EVC2: variants seen among roughly 807,000 people sequenced by gnomAD.
EVC2 encodes limbin.
EVC2 carries 148 observed loss-of-function variants against 149.3 expected under a neutral mutation model. The ratio of observed to expected loss-of-function variants is 0.99; its 90% CI spans 0.87 to 1.14. EVC2 has a LOEUF of 1.14. Ranked by LOEUF, EVC2 falls within the 50% of genes most tolerant of loss-of-function variation. The pLI is 0.00. For synonymous variants in EVC2, 776 were observed against 649.9 expected, an observed-to-expected ratio of 1.19 and a Z score of -2.95; for missense variants, 1,854 against 1,627.3, an observed-to-expected ratio of 1.14 and a Z score of -2.40.
Position 5,596,138 on chromosome 4 carries a change from C to T in EVC2, c.2830-11288G>A, listed in dbSNP as rs1423949901. ...AACAATGGGAGACTTTAACACCCCA[C>T]TGTCAACATTAGACATATCAACAAG... On this transcript the variant is annotated intron_variant, in intron 16 of 21. Coordinates refer to ENST00000344408, the MANE Select transcript of EVC2 (RefSeq NM_147127.5). Among the ~76,000 whole-genome samples, 11 of 152,318 alleles carry T rather than the reference C, an allele frequency of 7.2e-5. No individual in the cohort carries two copies. In the East Asian group the frequency reaches 7.7e-4, roughly 11 times the overall value.
chr4:5,586,698 C>T (rs1712310778), intron 16 of EVC2, among the ~76,000 whole-genome samples: 2 of 152,296 alleles, frequency 1.3e-5, no homozygotes, highest in South Asian at 4.2e-4. Context: ...ATAACTCTTT[C>T]AACCAACTGC....
intron 16 of EVC2, among the ~76,000 whole-genome samples, chr4:5,592,667 A>T (rs776893066): frequency 6.6e-6 from 1 of 152,244 alleles, no homozygotes; most frequent in African/African-American, 2.4e-5. Flanking sequence ...GCACATGTGC[A>T]TTAAGAGGCA....
In EVC2 at chr4:5,633,516, G is replaced by T. The variant is rs1345963091; in HGVS notation, c.1471-1484C>A. 1.3e-5 allele frequency among the ~76,000 whole-genome samples: 2 copies of T among 152,210 alleles called. No homozygotes were observed. The highest frequency in any genetic ancestry group is 4.8e-5 in the African/African-American group (2 of 41,456). ...AGCTAGGGGAGGAAGCGTGTTGAAA[G>T]CAAGTGTTCAGGCTCCAAGCTCTGA... On this transcript the variant is annotated intron_variant, in intron 10 of 21. Coordinates refer to ENST00000344408, the MANE Select transcript of EVC2 (RefSeq NM_147127.5). This position sits in a 1 kb window ranked among gnomAD's most constrained non-coding sequence, Gnocchi z 4.4.
chr4:5,631,569 G>C lies in EVC2; in HGVS notation c.1710+224C>G, dbSNP rs112417127. 0.023 allele frequency among the ~76,000 whole-genome samples: 2,809 copies of C among 123,924 alleles called. 43 individuals are homozygous for C. Among genetic ancestry groups the C allele is most frequent in the Non-Finnish European group, 0.03 (1,996 of 66,560 alleles). 81.3% of individuals were successfully genotyped at this position (123,924 alleles called of 152,430 possible). On this transcript the variant is annotated intron_variant, in intron 11 of 21. Transcript: ENST00000344408. ...TTGCTCAAGTTCACGCAGTAGACTG[G>C]GGGGGGGAACTGAAATTCCAATCCA...
At chr4:5,646,031 G>A (rs1322297172) in intron 9 of EVC2, among the ~76,000 whole-genome samples, 1 of 152,170 alleles carries the variant, frequency 6.6e-6, no homozygotes, top group African/African-American at 2.4e-5. Flanking sequence ...CCGGGTTCAA[G>A]TGATTCTCCT....
intron 21 of EVC2, among the ~76,000 whole-genome samples, 193 bp from the exon 22 acceptor site, chr4:5,563,308 T>C (rs546201762): frequency 9.2e-5 from 14 of 152,206 alleles, no homozygotes; most frequent in Non-Finnish European, 1.8e-4. Flanking sequence ...TGGTGTGCTG[T>C]AGTCAACTCT....
At position 5,686,261 on chromosome 4, in the gene EVC2, T is replaced by C. The variant is rs1720706715; in HGVS notation, c.707-782A>G. On this transcript the variant is annotated intron_variant, in intron 5 of 21. Coordinates refer to ENST00000344408, the MANE Select transcript of EVC2 (RefSeq NM_147127.5). The surrounding 1 kb of genome is among the most constrained non-coding windows in gnomAD (Gnocchi z 5.4). The stretch of plus-strand genomic sequence containing the variant: ...ATTTCTGAGACAGGCTCTCTCTATG[T>C]TGCCCAGACTAGTCTCGAACTCCCA... 6.6e-6 allele frequency among the ~76,000 whole-genome samples: 1 copy of C among 152,138 alleles called. No homozygotes were observed. The highest frequency in any genetic ancestry group is 2.4e-5 in the African/African-American group (1 of 41,436).
intron 21 of EVC2, among the ~76,000 whole-genome samples, chr4:5,543,685 G>T (rs557474185): frequency 1.3e-5 from 2 of 152,150 alleles, no homozygotes; most frequent in African/African-American, 4.8e-5. Flanking sequence ...GAACCATAGG[G>T]GTGGGGGATA....
At chr4:5,592,882 C>G (rs924045221) in intron 16 of EVC2, among the ~76,000 whole-genome samples, 1 of 152,056 alleles carries the variant, frequency 6.6e-6, no homozygotes, top group Non-Finnish European at 1.5e-5. Flanking sequence ...TGGCTGTGTC[C>G]CCACCCAAAT....
chr4:5,627,616 A>T (rs1174803865), intron 12 of EVC2, among the ~76,000 whole-genome samples: 1 of 152,188 alleles, frequency 6.6e-6, no homozygotes, highest in Non-Finnish European at 1.5e-5. Context: ...TTTGTAACCT[A>T]AAAGAATAAA....
intron 1 of EVC2, among the ~76,000 whole-genome samples, chr4:5,698,029 G>A (rs112709140): frequency 2.0e-5 from 3 of 152,114 alleles, no homozygotes; most frequent in Non-Finnish European, 4.4e-5. Flanking sequence ...GGGATTACAC[G>A]TGTGAGCCAC....
Position 5,576,225 on chromosome 4 carries a change from G to C in EVC2, c.3272+15C>G, listed in dbSNP as rs1722915723. ...GGGACTAATATCTTTGAGTGCTACGGGGCACACGGCATACCACTGCTGATG... is the reference window on the plus strand; with the variant it reads ...GGGACTAATATCTTTGAGTGCTACGCGGCACACGGCATACCACTGCTGATG... On this transcript the variant is annotated intron_variant, in intron 18 of 21. Transcript: ENST00000344408. This position sits in a 1 kb window ranked among gnomAD's most constrained non-coding sequence, Gnocchi z 4.5. 1 of 1,614,118 alleles carries C rather than the reference G, an allele frequency of 6.2e-7. No homozygotes were observed.
chr4:5,550,156 G>T (rs1367556307), intron 21 of EVC2, among the ~76,000 whole-genome samples: 1 of 152,184 alleles, frequency 6.6e-6, no homozygotes, highest in Non-Finnish European at 1.5e-5. Flanking sequence ...GTGGGGTGCT[G>T]CTGAAAAGAT....
At chr4:5,543,487 G>A (rs1166036184) in intron 21 of EVC2, among the ~76,000 whole-genome samples, 1 of 152,184 alleles carries the variant, frequency 6.6e-6, no homozygotes, top group Non-Finnish European at 1.5e-5. Flanking sequence ...GAGTTGGTGG[G>A]GAGAGGTTCT....
In EVC2 at chr4:5,618,799, C is replaced by T. The variant is rs2108833752; in HGVS notation, c.2502-117G>A. On this transcript the variant is annotated intron_variant, in intron 14 of 21. Coordinates refer to ENST00000344408, the MANE Select transcript of EVC2 (RefSeq NM_147127.5). This position sits in a 1 kb window ranked among gnomAD's most constrained non-coding sequence, Gnocchi z 4.4. ...CATATCCATGTCTGCAGAAAAAGCA[C>T]TGGCTCCTTAATCATGCATTCCTGC... The T allele has an allele frequency of 2.0e-6, 2 of 985,042 alleles. No homozygotes were observed. The highest frequency in any genetic ancestry group is 3.1e-6 in the Non-Finnish European group (2 of 637,074). The allele number at this position is 985,042 out of a possible 1,614,324, so 61.0% of individuals were successfully genotyped here. A position where few individuals can be genotyped will look rare whatever the true frequency, so the allele number is the denominator to read the frequency against.
At chr4:5,663,004 G>T in intron 9 of EVC2, 103 bp downstream of exon 9, 1 of 1,473,084 alleles carries the variant, frequency 6.8e-7, no homozygotes, top group Non-Finnish European at 9.4e-7. Flanking sequence ...AGTGACAAAT[G>T]ATTAACTGAA....
downstream of EVC2, among the ~76,000 whole-genome samples, chr4:5,542,231 C>G (rs1198613063): frequency 6.6e-6 from 1 of 152,166 alleles, no homozygotes; most frequent in Non-Finnish European, 1.5e-5. Flanking sequence ...GTGGGAGGAT[C>G]ACTTGAGCCC....
In EVC2 at chr4:5,576,507, G is replaced by A. The variant is rs1722947099; in HGVS notation, c.3058-53C>T. ...CACCACTGCACAAGGCGGGTGGGGTGGAGGACAAAATCTGACCTCCTGGGT... is the reference window on the plus strand; with the variant it reads ...CACCACTGCACAAGGCGGGTGGGGTAGAGGACAAAATCTGACCTCCTGGGT... On this transcript the variant is annotated intron_variant, in intron 17 of 21. Coordinates refer to ENST00000344408, the MANE Select transcript of EVC2 (RefSeq NM_147127.5). This position sits in a 1 kb window ranked among gnomAD's most constrained non-coding sequence, Gnocchi z 4.5. 4 of 1,541,032 alleles carry A rather than the reference G, an allele frequency of 2.6e-6. No individual in the cohort carries two copies. In the South Asian group the frequency reaches 4.7e-5, roughly 18 times the overall value.
At chr4:5,563,450 G>C (rs1722076863) in intron 21 of EVC2, among the ~76,000 whole-genome samples, 2 of 152,184 alleles carry the variant, frequency 1.3e-5, no homozygotes, top group African/African-American at 4.8e-5. Flanking sequence ...AGGTTCAAGT[G>C]ATTCTCCTGC....
Sources: allele counts gnomAD v4.1 joint callset (sites outside exome capture counted in the v4.1 genomes callset), GRCh38; gene constraint gnomAD v4.1.1; non-coding constraint Gnocchi (gnomAD v3.1); transcripts MANE v1.5; gene names NCBI Gene and HGNC (gene_info 2026-07-23, HGNC 2026-07-21).